The following TXNRD2 variants were observed in gnomAD, a reference collection of about 807,000 sequenced individuals.
TXNRD2 encodes the protein thioredoxin reductase 2, mitochondrial.
A neutral mutation model predicts 70.8 loss-of-function variants in TXNRD2; 67 were observed. The ratio of observed to expected loss-of-function variants is 0.95; its 90% CI spans 0.78 to 1.16. The LOEUF (loss-of-function observed/expected upper bound fraction) is 1.16. Ranked by LOEUF, TXNRD2 falls within the 50% of genes most tolerant of loss-of-function variation. The pLI, the probability that TXNRD2 is intolerant of heterozygous loss-of-function variation, is 0.00. For synonymous variants in TXNRD2, 301 were observed against 295.8 expected (o/e 1.02, Z -0.18); for missense variants, 644 against 719.9 (o/e 0.89, Z 1.21).
intron 15 of TXNRD2, 82 bp from the exon 16 acceptor site, chr22:19,878,269 G>C: frequency 6.3e-7 from 1 of 1,590,820 alleles, no homozygotes; most frequent in Non-Finnish European, 8.6e-7. Flanking sequence ...CCCTGCCTGG[G>C]AGGCATGGGT....
intron 3 of TXNRD2, among the ~76,000 whole-genome samples, 168 bp downstream of exon 3, chr22:19,919,375 G>C (rs966234824): frequency 1.3e-5 from 2 of 150,092 alleles, no homozygotes; most frequent in Non-Finnish European, 3.0e-5. Flanking sequence ...AGTTGTTTTC[G>C]ATAATGGTCA....
intron 8 of TXNRD2, among the ~76,000 whole-genome samples, chr22:19,907,647 C>T (rs1285504734): frequency 5.6e-5 from 2 of 35,520 alleles, no homozygotes; most frequent in Non-Finnish European, 1.0e-4. Context: ...AGAGTGTGGG[C>T]GCACCATGAG....
chr22:19,916,068 G>C (rs1940625994), intron 5 of TXNRD2: 1 of 536,904 alleles, frequency 1.9e-6, no homozygotes, highest in African/African-American at 1.9e-5. Context: ...TTAACCACAG[G>C]TGTCAAAGCA....
intron 2 of TXNRD2, among the ~76,000 whole-genome samples, chr22:19,925,940 G>A (rs10427569): frequency 9.2e-5 from 14 of 152,146 alleles, no homozygotes; most frequent in African/African-American, 2.9e-4. Context: ...GCCGAGGCGG[G>A]TGGATCACCT....
At chr22:19,932,683 G>T in intron 1 of TXNRD2, 1 of 853,098 alleles carries the variant, frequency 1.2e-6, no homozygotes, top group Non-Finnish European at 1.6e-6. Context: ...AACAAGTAGT[G>T]CCCTCAGCCC....
At chr22:19,900,544 A>T (rs989366462) in intron 8 of TXNRD2, among the ~76,000 whole-genome samples, 8 of 152,120 alleles carry the variant, frequency 5.3e-5, no homozygotes, top group African/African-American at 1.9e-4. Context: ...AGGTCAGGAG[A>T]TCGAGACCAT....
At chr22:19,910,648 C>T (rs1013298855) in intron 8 of TXNRD2, among the ~76,000 whole-genome samples, 19 of 152,228 alleles carry the variant, frequency 1.2e-4, no homozygotes, top group Admixed American at 2.0e-4. Context: ...GTCTCACTCT[C>T]CCAGGCTGAG....
rs1163319416 is a variant in TXNRD2, at chr22:19,917,797, C to T, written c.449+346G>A. Reference sequence around the variant, plus strand: ...GGGCTTGCCACTGGGATGACCCTCACCACATATTAGCCCCAGGCCTAGCTA... The same window carrying T: ...GGGCTTGCCACTGGGATGACCCTCATCACATATTAGCCCCAGGCCTAGCTA... On this transcript the variant is annotated intron_variant, in intron 5 of 17. Transcript: ENST00000400521. Among the ~76,000 whole-genome samples the T allele has an allele frequency of 2.0e-5, 3 of 152,188 alleles. 1 individual carries two copies. The highest frequency in any genetic ancestry group is 4.1e-4 in the South Asian group (2 of 4,838).
intron 12 of TXNRD2, among the ~76,000 whole-genome samples, chr22:19,882,678 G>A (rs1938834190): frequency 6.6e-6 from 1 of 152,220 alleles, no homozygotes; most frequent in Admixed American, 6.5e-5. Context: ...AGCAGGTGCT[G>A]GACACATGCA....
In TXNRD2 at chr22:19,895,184, C is replaced by G; in HGVS notation, c.949+223G>C. The G allele has an allele frequency of 1.9e-6, 3 of 1,598,308 alleles. No homozygotes were observed. In the South Asian group the frequency reaches 3.3e-5, roughly 18 times the overall value. On this transcript the variant is annotated intron_variant, in intron 11 of 17. Transcript: ENST00000400521. ...CATGTCCCACGGTGGTGGGGAGACA[C>G]GCAGAGATGCAAGGTGCTGGGGATG...
intron 2 of TXNRD2, among the ~76,000 whole-genome samples, chr22:19,923,170 A>G (rs1214974201): frequency 1.3e-5 from 2 of 152,254 alleles, no homozygotes; most frequent in Non-Finnish European, 2.9e-5. Flanking sequence ...TTAATTGGAA[A>G]TGTTTTCCTA....
intron 1 of TXNRD2, among the ~76,000 whole-genome samples, chr22:19,940,805 G>A (rs1175623468): frequency 6.6e-6 from 1 of 152,156 alleles, no homozygotes; most frequent in East Asian, 1.9e-4. Context: ...CCACGAGGTG[G>A]TGACTGCCTC....
intron 2 of TXNRD2, among the ~76,000 whole-genome samples, chr22:19,923,682 A>G (rs1220680198): frequency 6.6e-6 from 1 of 152,006 alleles, no homozygotes; most frequent in African/African-American, 2.4e-5. Flanking sequence ...GGCGCCTGTA[A>G]TCCCAGCTAC....
At chr22:19,890,947 G>C (rs577393843) in intron 11 of TXNRD2, among the ~76,000 whole-genome samples, 3 of 152,252 alleles carry the variant, frequency 2.0e-5, no homozygotes, top group African/African-American at 7.2e-5. Context: ...ATCATCTCCT[G>C]GGCACCCCAG....
At chr22:19,878,481 A>T in intron 14 of TXNRD2, 44 bp from the exon 15 acceptor site, 1 of 1,565,178 alleles carries the variant, frequency 6.4e-7, no homozygotes, top group Non-Finnish European at 8.8e-7. Context: ...GCGACAAACA[A>T]ACCTCGTGGC....
intron 8 of TXNRD2, among the ~76,000 whole-genome samples, chr22:19,909,743 CA>C (rs1940270721): frequency 7.3e-6 from 1 of 136,108 alleles, no homozygotes. Flanking sequence ...ACACACACAC[CA>C]CACACACCCA....
intron 1 of TXNRD2, among the ~76,000 whole-genome samples, chr22:19,932,147 T>G (rs1248663371): frequency 8.4e-6 from 1 of 119,228 alleles, no homozygotes. Flanking sequence ...GGAGACAGAG[T>G]GAGACTCCGT....
intron 12 of TXNRD2, chr22:19,881,354 G>A (rs184188801): frequency 2.4e-5 from 8 of 330,810 alleles, no homozygotes; most frequent in East Asian, 1.4e-4. Flanking sequence ...AACTCAGAGC[G>A]CAGCCTGCGC....
Position 19,918,861 on chromosome 22 carries a change from A to G in TXNRD2, c.373T>C (p.Trp125Arg), listed in dbSNP as rs373703741. 4.5e-5 allele frequency: 73 copies of G among 1,607,472 alleles called. No homozygotes were observed. Among genetic ancestry groups the G allele is most frequent in the Non-Finnish European group, 5.5e-5 (65 of 1,179,802 alleles). ...AATGCCACGGCGCCAGATCCTTACC[A>G]GTCATGCGGCACGGGCTGGGCCACC... is the stretch of plus-strand genomic sequence containing the variant. ...WEVAQPVPHD[W>R]RKMAEAVQNH... The change falls in exon 4 of 18, where the codon TGG (tryptophan) becomes CGG (arginine). Residue 125 changes from tryptophan (W) to arginine (R), a missense_variant and splice_region_variant. By Grantham distance (101) the Trp-to-Arg change is moderately radical. Around this residue, in one of 3 missense-constraint regions of TXNRD2, gnomAD observed 566 missense variants for 645.0 expected, o/e 0.88. Transcript: ENST00000400521.
Sources: allele counts gnomAD v4.1 joint callset (sites outside exome capture counted in the v4.1 genomes callset), GRCh38; gene constraint gnomAD v4.1.1; regional missense constraint gnomAD v4.1.1; transcripts MANE v1.5; gene names NCBI Gene and HGNC (gene_info 2026-07-23, HGNC 2026-07-21).